The following SPIDR variants were observed in gnomAD, a reference collection of about 807,000 sequenced individuals.
The protein encoded by SPIDR is scaffold protein involved in DNA repair, also known as DNA repair-scaffolding protein.
SPIDR carries 93 observed loss-of-function variants against 104.6 expected under a neutral mutation model. The observed-to-expected ratio is 0.89, with a 90% CI of 0.75 to 1.06. The LOEUF is 1.06. Ranked by LOEUF, SPIDR falls within the 50% of genes least tolerant of loss-of-function variation. SPIDR has a pLI of 0.00. For missense variants in SPIDR, 1,154 were observed against 1,111.2 expected, an observed-to-expected ratio of 1.04 and a Z score of -0.55; for synonymous variants, 431 against 416.9, an observed-to-expected ratio of 1.03 and a Z score of -0.41.
At chr8:47,408,943 T>C (rs1192860264) in intron 7 of SPIDR, among the ~76,000 whole-genome samples, 8 of 152,218 alleles carry the variant, frequency 5.3e-5, no homozygotes, top group African/African-American at 1.9e-4. Context: ...ATCCCAGCAC[T>C]TTAGGAGGCT....
chr8:47,411,332 A>C (rs1271658957), intron 7 of SPIDR, among the ~76,000 whole-genome samples: 1 of 152,156 alleles, frequency 6.6e-6, no homozygotes, highest in Non-Finnish European at 1.5e-5. Context: ...TTGTTTCCTG[A>C]CTTTTTAATG....
chr8:47,728,461 AAC>A (rs1285989504), intron 17 of SPIDR, among the ~76,000 whole-genome samples: 2 of 152,100 alleles, frequency 1.3e-5, no homozygotes, highest in East Asian at 1.9e-4. Flanking sequence ...GGAAAAAAAA[AAC>A]ACACACAAAG....
At chr8:47,380,602 G>T (rs931530133) in intron 5 of SPIDR, among the ~76,000 whole-genome samples, 3 of 152,016 alleles carry the variant, frequency 2.0e-5, no homozygotes, top group Admixed American at 6.6e-5. Flanking sequence ...CAGAGCAGGT[G>T]CCAGGCTGAC....
intron 8 of SPIDR, among the ~76,000 whole-genome samples, chr8:47,506,069 A>C (rs876915): frequency 3.3e-5 from 5 of 151,972 alleles, no homozygotes; most frequent in Non-Finnish European, 1.5e-5. Context: ...CCATTTCTGC[A>C]TGTATAGTAC....
intron 5 of SPIDR, among the ~76,000 whole-genome samples, chr8:47,345,867 A>T (rs2051872700): frequency 1.3e-5 from 2 of 152,198 alleles, no homozygotes; most frequent in Non-Finnish European, 2.9e-5. Context: ...TTTGGGGTTG[A>T]GACGATGGGG....
chr8:47,596,121 C>A, intron 9 of SPIDR, 115 bp downstream of exon 9: 1 of 865,924 alleles, frequency 1.2e-6, no homozygotes, highest in Non-Finnish European at 1.8e-6. Context: ...AAAAACCCCA[C>A]CACAAGGATG....
chr8:47,401,180 A>G (rs1563856656), intron 6 of SPIDR, among the ~76,000 whole-genome samples: 1 of 152,220 alleles, frequency 6.6e-6, no homozygotes, highest in Non-Finnish European at 1.5e-5. Context: ...GGGGGCCAAT[A>G]TTCAACATTC....
chr8:47,635,701 G>A (rs577595807), intron 10 of SPIDR, among the ~76,000 whole-genome samples: 83 of 152,072 alleles, frequency 5.5e-4, no homozygotes, highest in African/African-American at 1.8e-3. Context: ...CACTCCAGCT[G>A]GGGCAACATA....
intron 7 of SPIDR, among the ~76,000 whole-genome samples, chr8:47,421,810 T>G (rs782674022): frequency 6.6e-6 from 1 of 152,352 alleles, no homozygotes; most frequent in Non-Finnish European, 1.5e-5. Context: ...CTTTTCTGTT[T>G]GTTAATTTTC....
intron 1 of SPIDR, among the ~76,000 whole-genome samples, chr8:47,266,369 A>G (rs1554546734): frequency 2.0e-5 from 3 of 151,968 alleles, no homozygotes. Flanking sequence ...GAGCTCAGGC[A>G]ATGCAATCCA....
chr8:47,732,967 A>G (rs769659344), intron 19 of SPIDR, among the ~76,000 whole-genome samples: 3 of 152,246 alleles, frequency 2.0e-5, no homozygotes, highest in African/African-American at 4.8e-5. Flanking sequence ...TTAAAGGAAC[A>G]TATATAGTGA....
At chr8:47,432,026 G>A (rs16926260) in intron 7 of SPIDR, among the ~76,000 whole-genome samples, 3,994 of 152,176 alleles carry the variant, frequency 0.026, 288 homozygotes, top group Admixed American at 0.15. Flanking sequence ...GAAATGAATC[G>A]ATGGCATCTT....
intron 11 of SPIDR, among the ~76,000 whole-genome samples, chr8:47,684,509 G>A (rs142009170): frequency 1.3e-5 from 2 of 152,264 alleles, no homozygotes; most frequent in East Asian, 3.9e-4. Flanking sequence ...TGGTTGATTG[G>A]TACTAATCCC....
At chr8:47,354,693 G>A (rs184136567) in intron 5 of SPIDR, among the ~76,000 whole-genome samples, 14 of 152,040 alleles carry the variant, frequency 9.2e-5, no homozygotes, top group Non-Finnish European at 5.9e-5. Flanking sequence ...CCAGGCTGAA[G>A]TGCAGTGATG....
intron 10 of SPIDR, among the ~76,000 whole-genome samples, chr8:47,640,323 C>T (rs1296509280): frequency 6.6e-6 from 1 of 152,164 alleles, no homozygotes; most frequent in Non-Finnish European, 1.5e-5. Flanking sequence ...TGACCGGCCT[C>T]TGGAGTTAGG....
At chr8:47,397,901 A>G (rs1197435984) in intron 6 of SPIDR, among the ~76,000 whole-genome samples, 2 of 152,168 alleles carry the variant, frequency 1.3e-5, no homozygotes, top group African/African-American at 4.8e-5. Flanking sequence ...CAGAGTTCGC[A>G]CCATGGCTAC....
chr8:47,625,544 G>A (rs535459879), intron 10 of SPIDR, among the ~76,000 whole-genome samples: 139 of 152,262 alleles, frequency 9.1e-4, no homozygotes, highest in African/African-American at 3.3e-3. Flanking sequence ...CAAAGTCTCA[G>A]GATACAAAAT....
intron 8 of SPIDR, among the ~76,000 whole-genome samples, chr8:47,556,684 C>T (rs1030810555): frequency 6.6e-6 from 1 of 152,138 alleles, no homozygotes; most frequent in East Asian, 1.9e-4. Flanking sequence ...ACTGCAGCCT[C>T]ACACTCCTGG....
At chr8:47,353,707 GA>G (rs1178665826) in intron 5 of SPIDR, among the ~76,000 whole-genome samples, 7 of 88,326 alleles carry the variant, frequency 7.9e-5, no homozygotes, top group Admixed American at 1.6e-4. Context: ...TCTATACTGA[GA>G]TTTTTTTTTT....
Sources: gnomAD v4.1 joint callset for allele counts (sites outside exome capture counted in the v4.1 genomes callset) on GRCh38, gnomAD v4.1.1 for gene constraint, MANE v1.5 for transcripts, NCBI Gene and HGNC (gene_info 2026-07-23, HGNC 2026-07-21) for gene names.